Variants in ADAMTSL1 observed in about 807,000 individuals in gnomAD.
ADAMTSL1 encodes the protein ADAMTS-like protein 1.
Under a neutral mutation model 201.8 loss-of-function variants are expected in ADAMTSL1, and 126 were observed. The ratio of observed to expected loss-of-function variants is 0.62; its 90% CI spans 0.54 to 0.72. The LOEUF (loss-of-function observed/expected upper bound fraction) is 0.72. Among genes scored for constraint, ADAMTSL1 ranks in the 30% least tolerant of loss-of-function variants. The probability of loss-of-function intolerance (pLI) is 0.00; values close to 1 mark genes in which losing one functional copy is unlikely to be tolerated. For synonymous variants in ADAMTSL1, 1,121 were observed against 903.4 expected, an observed-to-expected ratio of 1.24 and a Z score of -4.32; for missense variants, 2,679 against 2,277.8, an observed-to-expected ratio of 1.18 and a Z score of -3.59.
intron 23 of ADAMTSL1, among the ~76,000 whole-genome samples, chr9:18,878,774 T>A (rs1477334497): frequency 2.0e-5 from 3 of 152,200 alleles, no homozygotes; most frequent in African/African-American, 7.2e-5. Context: ...GCTCTGTACA[T>A]CTGAGTGGAA....
At chr9:18,547,849 G>C (rs1054329782) in intron 3 of ADAMTSL1, among the ~76,000 whole-genome samples, 3 of 151,674 alleles carry the variant, frequency 2.0e-5, no homozygotes, top group Admixed American at 6.6e-5. Flanking sequence ...TCTGGACCGG[G>C]GGCCATGTGA....
intron 2 of ADAMTSL1, among the ~76,000 whole-genome samples, chr9:18,182,302 A>G (rs1346455940): frequency 3.9e-5 from 6 of 152,120 alleles, no homozygotes; most frequent in Non-Finnish European, 5.9e-5. Context: ...AAAAAAAAGA[A>G]GAATTAGATA....
At chr9:17,999,515 A>G (rs1190968594) in intron 1 of ADAMTSL1, among the ~76,000 whole-genome samples, 1 of 151,088 alleles carries the variant, frequency 6.6e-6, no homozygotes, top group Non-Finnish European at 1.5e-5. Context: ...TATTAATACT[A>G]TGCTCTATTG....
chr9:18,734,314 A>G (rs1192262326), intron 15 of ADAMTSL1, among the ~76,000 whole-genome samples: 1 of 152,124 alleles, frequency 6.6e-6, no homozygotes, highest in Admixed American at 6.6e-5. Flanking sequence ...ACTTTAGAAA[A>G]CTGTGTTCTC....
chr9:18,148,246 A>G (rs1029460828), intron 1 of ADAMTSL1, among the ~76,000 whole-genome samples: 6 of 152,056 alleles, frequency 3.9e-5, no homozygotes, highest in African/African-American at 1.2e-4. Flanking sequence ...TTTCATGTCT[A>G]CATAGTATAA....
At chr9:17,973,652 T>C (rs1335927258) in intron 1 of ADAMTSL1, among the ~76,000 whole-genome samples, 2 of 113,954 alleles carry the variant, frequency 1.8e-5, no homozygotes, top group Non-Finnish European at 3.9e-5. Flanking sequence ...ATGTGGGCTC[T>C]TTTTTGGTTC....
chr9:18,789,758 G>A (rs1418497760), intron 19 of ADAMTSL1, among the ~76,000 whole-genome samples: 2 of 152,126 alleles, frequency 1.3e-5, no homozygotes, highest in African/African-American at 4.8e-5. Context: ...GGGGGAGGAG[G>A]AGGAGCCTGT....
intron 2 of ADAMTSL1, among the ~76,000 whole-genome samples, chr9:18,358,129 C>T (rs533359417): frequency 1.1e-4 from 16 of 152,216 alleles, no homozygotes; most frequent in East Asian, 5.8e-4. Context: ...TTCTCATCTG[C>T]ACATTTAGAA....
intron 4 of ADAMTSL1, among the ~76,000 whole-genome samples, chr9:18,576,605 C>T (rs1282501665): frequency 2.0e-5 from 3 of 152,098 alleles, no homozygotes; most frequent in Non-Finnish European, 2.9e-5. Flanking sequence ...CAGTTATTGC[C>T]GTTTCATAGA....
chr9:18,056,864 C>A (rs1339296846), intron 1 of ADAMTSL1, among the ~76,000 whole-genome samples: 4 of 152,082 alleles, frequency 2.6e-5, no homozygotes, highest in Non-Finnish European at 5.9e-5. Context: ...AGTGCCTCTT[C>A]CTCACTTTTC....
chr9:18,081,478 A>G (rs1380114656), intron 1 of ADAMTSL1, among the ~76,000 whole-genome samples: 1 of 152,172 alleles, frequency 6.6e-6, no homozygotes, highest in Non-Finnish European at 1.5e-5. Context: ...AAGAGTACTC[A>G]GTAGTCCTAT....
intron 1 of ADAMTSL1, among the ~76,000 whole-genome samples, chr9:17,907,159 G>C (rs1200610027): frequency 1.3e-5 from 2 of 152,188 alleles, no homozygotes; most frequent in African/African-American, 4.8e-5. Flanking sequence ...CCCTGTCCTG[G>C]CTTTTCGCCC....
At chr9:18,749,057 T>TA (rs1819308143) in intron 15 of ADAMTSL1, among the ~76,000 whole-genome samples, 1 of 152,182 alleles carries the variant, frequency 6.6e-6, no homozygotes, top group African/African-American at 2.4e-5. Context: ...TCTTTTCTTA[T>TA]AAAAAACACA....
chr9:18,658,097 C>G (rs1162717078), intron 8 of ADAMTSL1, among the ~76,000 whole-genome samples: 1 of 151,920 alleles, frequency 6.6e-6, no homozygotes, highest in Non-Finnish European at 1.5e-5. Flanking sequence ...GCCTCAGCCT[C>G]CTGAGTAGCT....
At chr9:18,025,082 T>G (rs189850619) in intron 1 of ADAMTSL1, among the ~76,000 whole-genome samples, 9,734 of 152,180 alleles carry the variant, frequency 0.064, 923 homozygotes, top group African/African-American at 0.21. Flanking sequence ...GAAGTGTTGT[T>G]CATTTCCTTC....
chr9:18,245,257 G>C (rs1831214974), intron 2 of ADAMTSL1, among the ~76,000 whole-genome samples: 1 of 151,878 alleles, frequency 6.6e-6, no homozygotes, highest in South Asian at 2.1e-4. Flanking sequence ...GCATTTAAAA[G>C]AAAAGAAATA....
At chr9:18,811,458 AC>A (rs1291994757) in intron 20 of ADAMTSL1, among the ~76,000 whole-genome samples, 1 of 152,160 alleles carries the variant, frequency 6.6e-6, no homozygotes, top group Non-Finnish European at 1.5e-5. Flanking sequence ...TGTAGTGGGG[AC>A]TATGTGGGGA....
intron 1 of ADAMTSL1, among the ~76,000 whole-genome samples, chr9:17,914,929 GT>G (rs1027940342): frequency 1.3e-5 from 2 of 151,664 alleles, no homozygotes; most frequent in African/African-American, 2.4e-5. Context: ...TGACTTGCTT[GT>G]TTTTTTTGTT....
rs556522876 is a variant in ADAMTSL1, at chr9:18,520,689, C to T, written c.192-12558C>T. On this transcript the variant is annotated intron_variant, in intron 2 of 28. Transcript: ENST00000380548. ...GATGTGTCTGTTCCCAGCCAGCTCA[C>T]CTACTGATGGATGATGCCTGGCAGC... Among the ~76,000 whole-genome samples, 4 of 152,296 alleles carry T rather than the reference C, an allele frequency of 2.6e-5. No individual in the cohort carries two copies. The East Asian group carries it at 7.7e-4, about 29-fold the overall frequency.
Sources: gnomAD v4.1 joint callset for allele counts (sites outside exome capture counted in the v4.1 genomes callset) on GRCh38, gnomAD v4.1.1 for gene constraint, MANE v1.5 for transcripts, NCBI Gene and HGNC (gene_info 2026-07-23, HGNC 2026-07-21) for gene names.